Variants in DAAM2 observed in about 807,000 individuals in gnomAD.
DAAM2 encodes disheveled-associated activator of morphogenesis 2.
DAAM2 carries 39 observed loss-of-function variants against 120.7 expected under a neutral mutation model. The ratio of observed to expected loss-of-function variants is 0.32; its 90% CI spans 0.25 to 0.42. The LOEUF is 0.42. Among genes scored for constraint, DAAM2 ranks in the 10% least tolerant of loss-of-function variants. DAAM2 has a pLI of 1.00. For missense variants in DAAM2, 1,283 were observed against 1,401.7 expected (o/e 0.92, Z 1.35); for synonymous variants, 488 against 524.9 (o/e 0.93, Z 0.96).
intron 1 of DAAM2, among the ~76,000 whole-genome samples, chr6:39,838,273 C>T (rs986104697): frequency 6.6e-6 from 1 of 152,184 alleles, no homozygotes; most frequent in Non-Finnish European, 1.5e-5. Flanking sequence ...ACACATAAGG[C>T]ACCCAAGGAG....
In DAAM2 at chr6:39,825,262, C is replaced by T. The variant is rs143493350; in HGVS notation, c.-56-30985C>T. 4.3e-3 allele frequency among the ~76,000 whole-genome samples: 658 copies of T among 151,964 alleles called. 2 individuals are homozygous for T. The highest frequency in any genetic ancestry group is 0.015 in the African/African-American group (616 of 41,426). Reference sequence around the variant, plus strand: ...AAAATTAGCCAGGCATGGTGGTGTGCGCCTGTAGTTTCAGCTACTCAGGAG... The same window carrying T: ...AAAATTAGCCAGGCATGGTGGTGTGTGCCTGTAGTTTCAGCTACTCAGGAG... On this transcript the variant is annotated intron_variant, in intron 1 of 24. Transcript: ENST00000274867.
chr6:39,820,763 T>A (rs1022843065), intron 1 of DAAM2: 8 of 152,256 alleles, frequency 5.3e-5, no homozygotes, highest in Admixed American at 3.9e-4. Flanking sequence ...ATTTACTATC[T>A]CCAGGCCTCA....
intron 15 of DAAM2, chr6:39,887,063 A>T (rs1385697964): frequency 6.1e-6 from 1 of 163,644 alleles, no homozygotes; most frequent in Non-Finnish European, 1.3e-5. Flanking sequence ...TCTCAGCATA[A>T]GCCTGAGGAG....
At chr6:39,843,508 A>G (rs934078947) in intron 1 of DAAM2, among the ~76,000 whole-genome samples, 1 of 152,220 alleles carries the variant, frequency 6.6e-6, no homozygotes, top group Non-Finnish European at 1.5e-5. Context: ...TCTTCCTGGG[A>G]AAGGCTGCCT....
chr6:39,902,352 A>C lies in DAAM2; in HGVS notation c.*315A>C, dbSNP rs1300581847. On this transcript the variant is annotated 3_prime_UTR_variant, in exon 25 of 25. Transcript: ENST00000274867. ...TCCCCATCCCCTACCATGGGCACCC[A>C]TGTGCTGGCACAGAACAGTTCCAGA... 2.8e-5 allele frequency: 7 copies of C among 254,058 alleles called. No homozygotes were observed. The highest frequency in any genetic ancestry group is 4.4e-5 in the African/African-American group (2 of 45,112). 15.7% of individuals were successfully genotyped at this position (254,058 alleles called of 1,614,324 possible).
chr6:39,840,751 G>A (rs1763292678), intron 1 of DAAM2, among the ~76,000 whole-genome samples: 1 of 152,178 alleles, frequency 6.6e-6, no homozygotes, highest in Non-Finnish European at 1.5e-5. Context: ...CTATGTGCCA[G>A]GCTCTGTGCT....
At chr6:39,873,790 C>T (rs11750991) in intron 10 of DAAM2, among the ~76,000 whole-genome samples, 1 of 152,144 alleles carries the variant, frequency 6.6e-6, no homozygotes, top group African/African-American at 2.4e-5. Context: ...TTGTTGGCTT[C>T]CACTCTTGCA....
Position 39,870,439 on chromosome 6 carries a change from G to C in DAAM2, c.973G>C (p.Asp325His). 1 of 1,566,382 alleles carries C rather than the reference G, an allele frequency of 6.4e-7. No homozygotes were observed. Among genetic ancestry groups the C allele is most frequent in the Non-Finnish European group, 8.7e-7 (1 of 1,152,290 alleles). ...KLRQHENAILDKHLDFFEMVR... is the reference protein window; with the variant it reads ...KLRQHENAILHKHLDFFEMVR... ...CCGGCAACATGAAAATGCCATCCTG[G>C]ACAAGTAAGTTCCAAGCACCCGTCT... Residue 325 changes from aspartate (D) to histidine (H), a missense_variant, in exon 8 of 25, where the codon GAC becomes CAC. By Grantham distance (81) the Asp-to-His change is moderately conservative. Transcript: ENST00000274867.
chr6:39,897,281 A>G lies in DAAM2; in HGVS notation c.2617A>G (p.Asn873Asp), dbSNP rs1766165751. 6.3e-7 allele frequency: 1 copy of G among 1,581,556 alleles called. No homozygotes were observed. The highest frequency in any genetic ancestry group is 1.3e-5 in the African/African-American group (1 of 74,100). The change falls in exon 21 of 25, where the codon AAC becomes GAC. Residue 873 changes from asparagine (N) to aspartate (D), a missense_variant and splice_region_variant. This residue lies in a region of DAAM2 where 748 missense variants were observed against 768.6 expected (regional missense o/e 0.97). Transcript: ENST00000274867. Reference sequence around the variant, plus strand: ...ACATCTTCCAGAAGCTGCCAAAGTCAAGTGAGGGTTCTCTCCAAGACTTCC... The same window carrying G: ...ACATCTTCCAGAAGCTGCCAAAGTCGAGTGAGGGTTCTCTCCAAGACTTCC... Reference protein sequence around the residue: ...LQHLPEAAKVNLAELEKEVGN... With the variant: ...LQHLPEAAKVDLAELEKEVGN...
intron 1 of DAAM2, among the ~76,000 whole-genome samples, chr6:39,840,434 A>T (rs1172438308): frequency 1.3e-5 from 2 of 152,210 alleles, no homozygotes; most frequent in Non-Finnish European, 2.9e-5. Flanking sequence ...CCTGGCATAT[A>T]GCAGTATTTA....
At chr6:39,840,748 C>T (rs1763292550) in intron 1 of DAAM2, among the ~76,000 whole-genome samples, 1 of 152,124 alleles carries the variant, frequency 6.6e-6, no homozygotes, top group Non-Finnish European at 1.5e-5. Context: ...CTACTATGTG[C>T]CAGGCTCTGT....
At chr6:39,867,287 C>G (rs1764469763) in intron 5 of DAAM2, 1 of 560,150 alleles carries the variant, frequency 1.8e-6, no homozygotes, top group East Asian at 3.0e-5. Context: ...AGCTATGCAA[C>G]TGACAATGAT....
intron 2 of DAAM2, among the ~76,000 whole-genome samples, chr6:39,857,805 C>A (rs1327616044): frequency 6.6e-6 from 1 of 152,090 alleles, no homozygotes; most frequent in African/African-American, 2.4e-5. Flanking sequence ...CTTGGAGAGA[C>A]TGCTGGGTGC....
chr6:39,846,522 G>C (rs1763596560), intron 1 of DAAM2, among the ~76,000 whole-genome samples: 1 of 152,098 alleles, frequency 6.6e-6, no homozygotes, highest in African/African-American at 2.4e-5. Context: ...TTCTGTTCTT[G>C]ATCTTTGGTA....
chr6:39,839,854 T>C (rs1453217109), intron 1 of DAAM2, among the ~76,000 whole-genome samples: 2 of 152,204 alleles, frequency 1.3e-5, no homozygotes, highest in African/African-American at 4.8e-5. Flanking sequence ...ATATGAAGAC[T>C]GGATAATCTA....
intron 1 of DAAM2, among the ~76,000 whole-genome samples, chr6:39,835,922 C>T (rs762965027): frequency 3.9e-5 from 6 of 152,134 alleles, no homozygotes; most frequent in Non-Finnish European, 7.4e-5. Context: ...TGCTTCCTTT[C>T]CTCCAGAACT....
intron 11 of DAAM2, among the ~76,000 whole-genome samples, chr6:39,876,202 C>T (rs1465793785): frequency 1.3e-5 from 2 of 152,102 alleles, no homozygotes; most frequent in African/African-American, 2.4e-5. Context: ...ATAATAAGGC[C>T]TTACATTAAC....
intron 17 of DAAM2, among the ~76,000 whole-genome samples, chr6:39,890,059 C>T (rs1383407842): frequency 4.6e-5 from 7 of 151,652 alleles, no homozygotes; most frequent in African/African-American, 1.5e-4. Context: ...ACCCAGGAGG[C>T]GGAGGTTGCA....
At chr6:39,854,023 C>A (rs1201975691) in intron 1 of DAAM2, among the ~76,000 whole-genome samples, 1 of 152,170 alleles carries the variant, frequency 6.6e-6, no homozygotes, top group Non-Finnish European at 1.5e-5. Flanking sequence ...CTATCAAGTC[C>A]CAGGGGAACC....
Sources: gnomAD v4.1 joint callset for allele counts (sites outside exome capture counted in the v4.1 genomes callset) on GRCh38, gnomAD v4.1.1 for gene constraint, gnomAD v4.1.1 regional missense constraint, MANE v1.5 for transcripts, NCBI Gene and HGNC (gene_info 2026-07-23, HGNC 2026-07-21) for gene names.